The following SKI variants were observed in gnomAD, a reference collection of about 807,000 sequenced individuals.
SKI encodes the protein ski oncogene.
SKI carries 23 observed loss-of-function variants against 59.3 expected under a neutral mutation model. That is an observed-to-expected ratio of 0.39 (90% CI 0.28 to 0.55). The LOEUF (loss-of-function observed/expected upper bound fraction) is 0.55, where lower values mean the gene tolerates loss of function less well. SKI is among the 20% of genes least tolerant of loss of function. SKI has a pLI of 0.67. For synonymous variants in SKI, 673 were observed against 488.6 expected (o/e 1.38, Z -4.98); for missense variants, 1,017 against 1,038.9 (o/e 0.98, Z 0.29).
At position 2,304,604 on chromosome 1, in the gene SKI, G is replaced by T. The variant is rs773600928; in HGVS notation, c.1767+19G>T. On this transcript the variant is annotated intron_variant, in intron 5 of 6. Coordinates refer to ENST00000378536, the MANE Select transcript of SKI (RefSeq NM_003036.4). The stretch of plus-strand genomic sequence containing the variant: ...CCACCAGGTGAGCGGGGCGAGTGGT[G>T]CTGGGAGGTCCAGGGCACGGGCAGT... The T allele has an allele frequency of 1.2e-5, 19 of 1,537,198 alleles. No homozygotes were observed. Among genetic ancestry groups the T allele is most frequent in the Non-Finnish European group, 1.6e-5 (18 of 1,139,106 alleles).
At position 2,308,127 on chromosome 1, in the gene SKI, T is replaced by C. The variant is rs1429311789; in HGVS notation, c.*1362T>C. The C allele has an allele frequency of 6.6e-6, 1 of 152,300 alleles. No homozygotes were observed. The highest frequency in any genetic ancestry group is 1.5e-5 in the Non-Finnish European group (1 of 68,048). The allele number at this position is 152,300 out of a possible 1,614,324, so 9.4% of individuals were successfully genotyped here. A position where few individuals can be genotyped will look rare whatever the true frequency, so the allele number is the denominator to read the frequency against. On this transcript the variant is annotated 3_prime_UTR_variant, in exon 7 of 7. Coordinates refer to ENST00000378536, the MANE Select transcript of SKI (RefSeq NM_003036.4). ...GATTTCCCAGTAGACAAGAGGCGGC[T>C]ACCTATCCTACAGTTACGGTATTTA...
chr1:2,301,810 T>A, intron 1 of SKI, among the ~76,000 whole-genome samples: 1 of 152,246 alleles, frequency 6.6e-6, no homozygotes, highest in African/African-American at 2.4e-5. Flanking sequence ...GAGGTTGGCC[T>A]CGGCAGAGTG....
intron 1 of SKI, among the ~76,000 whole-genome samples, chr1:2,265,500 T>C (rs1273011167): frequency 3.0e-4 from 46 of 152,350 alleles, no homozygotes; most frequent in Non-Finnish European, 2.9e-5. Context: ...CTTTTAAATA[T>C]GTGGAATACA....
At chr1:2,283,029 C>T (rs564812568) in intron 1 of SKI, among the ~76,000 whole-genome samples, 1 of 152,306 alleles carries the variant, frequency 6.6e-6, no homozygotes, top group South Asian at 2.1e-4. Context: ...CCAGCAGCTC[C>T]TGTGGCTGTG....
chr1:2,303,271 C>G lies in SKI; in HGVS notation c.1096-14C>G. 1 of 1,612,488 alleles carries G rather than the reference C, an allele frequency of 6.2e-7. No homozygotes were observed. The highest frequency in any genetic ancestry group is 1.1e-5 in the South Asian group (1 of 91,084). On this transcript the variant is annotated splice_polypyrimidine_tract_variant and intron_variant, in intron 2 of 6. Transcript: ENST00000378536. The surrounding 1 kb of genome is among the most constrained non-coding windows in gnomAD (Gnocchi z 5.6). ...TTCTCCTGGTCACTCACACAGACAACTCTTTCTCGACAGAGCCTGGGCTGT... is the reference window on the plus strand; with the variant it reads ...TTCTCCTGGTCACTCACACAGACAAGTCTTTCTCGACAGAGCCTGGGCTGT...
intron 1 of SKI, among the ~76,000 whole-genome samples, chr1:2,254,730 G>A (rs911146416): frequency 6.6e-6 from 1 of 151,740 alleles, no homozygotes; most frequent in Non-Finnish European, 1.5e-5. Flanking sequence ...TGGTCACTGC[G>A]TGCGTGTGTG....
At chr1:2,286,312 A>G (rs539809478) in intron 1 of SKI, among the ~76,000 whole-genome samples, 1 of 152,200 alleles carries the variant, frequency 6.6e-6, no homozygotes, top group East Asian at 1.9e-4. Flanking sequence ...CCTGGGCAAC[A>G]TGGAGAAACC....
Position 2,264,938 on chromosome 1 carries a change from G to T in SKI, c.969+35203G>T, listed in dbSNP as rs530410051. Among the ~76,000 whole-genome samples the T allele has an allele frequency of 2.0e-5, 3 of 151,866 alleles. No individual in the cohort carries two copies. The East Asian group carries it at 5.8e-4, about 29-fold the overall frequency. ...TGATTCTCATGCCTCAGCCTCCCGC[G>T]TACCTGGGATTACAGGCACCCGCCA... On this transcript the variant is annotated intron_variant, in intron 1 of 6. Coordinates refer to ENST00000378536, the MANE Select transcript of SKI (RefSeq NM_003036.4).
intron 1 of SKI, among the ~76,000 whole-genome samples, chr1:2,247,779 T>C (rs1479424955): frequency 2.6e-5 from 4 of 152,168 alleles, no homozygotes; most frequent in Non-Finnish European, 4.4e-5. Context: ...CAGGTGCCCT[T>C]GGGGAGCACA....
rs905161437 is a variant in SKI, at chr1:2,267,562, C to T, written c.970-35416C>T. On this transcript the variant is annotated intron_variant, in intron 1 of 6. Transcript: ENST00000378536. The surrounding 1 kb of genome is among the most constrained non-coding windows in gnomAD (Gnocchi z 4.1). ...TTTGGGATTGGGCCAGGCCTGAGGG[C>T]ACTGAGGGAGTGGGGCATTAGGGGC... is the stretch of plus-strand genomic sequence containing the variant. Among the ~76,000 whole-genome samples the T allele has an allele frequency of 1.3e-5, 2 of 152,148 alleles. No homozygotes were observed. Among genetic ancestry groups the T allele is most frequent in the Non-Finnish European group, 2.9e-5 (2 of 68,018 alleles).
At position 2,249,137 on chromosome 1, in the gene SKI, G is replaced by A. The variant is rs554979227; in HGVS notation, c.969+19402G>A. 3.9e-4 allele frequency among the ~76,000 whole-genome samples: 59 copies of A among 152,348 alleles called. 1 individual carries two copies. Among genetic ancestry groups the A allele is most frequent in the African/African-American group, 1.4e-3 (58 of 41,586 alleles). On this transcript the variant is annotated intron_variant, in intron 1 of 6. Coordinates refer to ENST00000378536, the MANE Select transcript of SKI (RefSeq NM_003036.4). The stretch of plus-strand genomic sequence containing the variant: ...GCCTGGCACTGCCACCCTGATGGTC[G>A]GCTCTGAGTTGGAGGCCAGCTTTCA...
chr1:2,237,170 T>C (rs1207519379), intron 1 of SKI, among the ~76,000 whole-genome samples: 2 of 152,182 alleles, frequency 1.3e-5, no homozygotes, highest in Admixed American at 6.5e-5. Context: ...TGTGCCGTTA[T>C]GGGGGCACCT....
chr1:2,301,005 C>T (rs1387563785), intron 1 of SKI, among the ~76,000 whole-genome samples: 2 of 152,230 alleles, frequency 1.3e-5, no homozygotes, highest in African/African-American at 2.4e-5. Flanking sequence ...CTGACTCTTT[C>T]CCCTCAAGGA....
intron 1 of SKI, among the ~76,000 whole-genome samples, chr1:2,296,799 C>T (rs952790667): frequency 1.3e-5 from 2 of 152,100 alleles, no homozygotes; most frequent in African/African-American, 2.4e-5. Flanking sequence ...AGCACTTCTG[C>T]GGGGGCGGGA....
At chr1:2,239,610 GC>G (rs1208602074) in intron 1 of SKI, among the ~76,000 whole-genome samples, 7 of 152,394 alleles carry the variant, frequency 4.6e-5, no homozygotes, top group East Asian at 3.9e-4. Flanking sequence ...CGCAAGGTGT[GC>G]AGTGGCAAGG....
At chr1:2,289,411 G>T (rs1213003396) in intron 1 of SKI, among the ~76,000 whole-genome samples, 2 of 151,890 alleles carry the variant, frequency 1.3e-5, no homozygotes, top group African/African-American at 2.4e-5. Flanking sequence ...ACTTTGTGAG[G>T]CCCCTCCTCT....
At chr1:2,253,145 C>T (rs980091703) in intron 1 of SKI, among the ~76,000 whole-genome samples, 5 of 151,734 alleles carry the variant, frequency 3.3e-5, no homozygotes, top group Non-Finnish European at 5.9e-5. Flanking sequence ...TATTTCATAA[C>T]GCGATTCAGT....
At chr1:2,254,676 G>A (rs77797313) in intron 1 of SKI, among the ~76,000 whole-genome samples, 3,886 of 152,298 alleles carry the variant, frequency 0.026, 73 homozygotes, top group Middle Eastern at 0.065. Flanking sequence ...CCGAATTGGA[G>A]TCTTCTCTTT....
At chr1:2,233,970 C>G (rs976241407) in intron 1 of SKI, among the ~76,000 whole-genome samples, 2 of 152,190 alleles carry the variant, frequency 1.3e-5, no homozygotes, top group African/African-American at 4.8e-5. Flanking sequence ...CTTTGTCCAC[C>G]AGCTTCCTTT....
Sources: allele counts gnomAD v4.1 joint callset (sites outside exome capture counted in the v4.1 genomes callset), GRCh38; gene constraint gnomAD v4.1.1; non-coding constraint Gnocchi (gnomAD v3.1); transcripts MANE v1.5; gene names NCBI Gene and HGNC (gene_info 2026-07-23, HGNC 2026-07-21).